RADIL: variants seen among roughly 807,000 people sequenced by gnomAD.
RADIL encodes ras-associating and dilute domain-containing protein.
A neutral mutation model predicts 97.6 loss-of-function variants in RADIL; 99 were observed. The ratio of observed to expected loss-of-function variants is 1.01; its 90% CI spans 0.86 to 1.20. The LOEUF (loss-of-function observed/expected upper bound fraction) is 1.20, where lower values mean the gene tolerates loss of function less well. RADIL is among the 50% of genes most tolerant of loss of function. The probability of loss-of-function intolerance (pLI) is 0.00; values close to 1 mark genes in which losing one functional copy is unlikely to be tolerated. For synonymous variants in RADIL, 803 were observed against 691.8 expected, an observed-to-expected ratio of 1.16 and a Z score of -2.52; for missense variants, 1,765 against 1,498.9, an observed-to-expected ratio of 1.18 and a Z score of -2.93.
Position 4,799,085 on chromosome 7 carries a change from G to A in RADIL, c.*293C>T. 1 of 387,830 alleles carries A rather than the reference G, an allele frequency of 2.6e-6. No individual in the cohort carries two copies. Among genetic ancestry groups the A allele is most frequent in the Non-Finnish European group, 4.8e-6 (1 of 207,076 alleles). The allele number at this position is 387,830 out of a possible 1,614,324, so 24.0% of individuals were successfully genotyped here. On this transcript the variant is annotated 3_prime_UTR_variant, in exon 15 of 15. Coordinates refer to ENST00000399583, the MANE Select transcript of RADIL (RefSeq NM_018059.5). ...AGCCCACGCCTGCTGCCCGAGTTGA[G>A]ACCCCAGCAGGGCACCCTCTAAGAA...
At chr7:4,830,301 C>A (rs1783103793) in intron 5 of RADIL, among the ~76,000 whole-genome samples, 1 of 152,182 alleles carries the variant, frequency 6.6e-6, no homozygotes, top group African/African-American at 2.4e-5. Flanking sequence ...ACACTGCCTT[C>A]CACCAGCAGG....
chr7:4,806,467 A>G (rs1210341350), intron 9 of RADIL, among the ~76,000 whole-genome samples: 1 of 152,178 alleles, frequency 6.6e-6, no homozygotes, highest in African/African-American at 2.4e-5. Context: ...GATTGCAGGT[A>G]TGAGCCACTG....
At chr7:4,876,312 A>G (rs1784375250) in intron 2 of RADIL, among the ~76,000 whole-genome samples, 1 of 150,930 alleles carries the variant, frequency 6.6e-6, no homozygotes, top group South Asian at 2.1e-4. Flanking sequence ...TTATTTATTT[A>G]TATTTGAGAC....
Position 4,805,581 on chromosome 7 carries a change from C to T in RADIL, c.2275G>A (p.Glu759Lys), listed in dbSNP as rs780017630. ...CAGGGCTTACCTGACCTGAAGGCCT[C>T]GGGGCTGTCCTGGGCCCCTGGCTCC... ...TWEPGAQDSP[E>K]AFRSEDVLES... The change falls in exon 10 of 15, where the codon GAG (glutamate) becomes AAG (lysine). Residue 759 changes from glutamate to lysine, a missense_variant. Coordinates refer to ENST00000399583, the MANE Select transcript of RADIL (RefSeq NM_018059.5). The T allele has an allele frequency of 1.6e-5, 26 of 1,606,786 alleles. No individual in the cohort carries two copies. Among genetic ancestry groups the T allele is most frequent in the South Asian group, 1.5e-4 (14 of 90,772 alleles).
chr7:4,877,044 C>G (rs960676508), intron 2 of RADIL, among the ~76,000 whole-genome samples: 5 of 152,182 alleles, frequency 3.3e-5, no homozygotes, highest in Admixed American at 2.0e-4. Flanking sequence ...GAGAGCTGGA[C>G]AATAATCTGA....
chr7:4,873,908 A>C lies in RADIL; in HGVS notation c.535+3697T>G, dbSNP rs1451932412. ...GGCTGGCGCCCACGGCTGCTGGAGA[A>C]GCTGCTACAGTGAAAAACCCCTCGG... On this transcript the variant is annotated intron_variant, in intron 2 of 14. Transcript: ENST00000399583. The surrounding 1 kb of genome is among the most constrained non-coding windows in gnomAD (Gnocchi z 4.3). Among the ~76,000 whole-genome samples, 1 of 152,230 alleles carries C rather than the reference A, an allele frequency of 6.6e-6. No individual in the cohort carries two copies. The highest frequency in any genetic ancestry group is 6.5e-5 in the Admixed American group (1 of 15,284).
rs1489386405 is a variant in RADIL at position 4,815,999 on chromosome 7, G to C, written c.1966+229C>G. Among the ~76,000 whole-genome samples, 3 of 152,132 alleles carry C rather than the reference G, an allele frequency of 2.0e-5. No homozygotes were observed. Among genetic ancestry groups the C allele is most frequent in the Admixed American group, 2.0e-4 (3 of 15,282 alleles). ...GGAAGGGGTCCCATGCAGACCTCTCGGCCGTGGCTTCTCTGAAACCCCGAT... is the reference window on the plus strand; with the variant it reads ...GGAAGGGGTCCCATGCAGACCTCTCCGCCGTGGCTTCTCTGAAACCCCGAT... On this transcript the variant is annotated intron_variant, in intron 8 of 14. Coordinates refer to ENST00000399583, the MANE Select transcript of RADIL (RefSeq NM_018059.5). This position sits in a 1 kb window ranked among gnomAD's most constrained non-coding sequence, Gnocchi z 8.0.
chr7:4,863,969 C>G (rs955163858), intron 2 of RADIL, among the ~76,000 whole-genome samples: 8 of 152,158 alleles, frequency 5.3e-5, no homozygotes, highest in Non-Finnish European at 1.0e-4. Context: ...CTAGAGACTT[C>G]CTTTATTTTC....
At chr7:4,857,251 T>G (rs1783855290) in intron 2 of RADIL, among the ~76,000 whole-genome samples, 1 of 152,260 alleles carries the variant, frequency 6.6e-6, no homozygotes. Context: ...ATTTTTGCTC[T>G]GACACCTACT....
In RADIL at chr7:4,819,658, A is replaced by G. The variant is rs991558145; in HGVS notation, c.1616-2307T>C. ...CAGTGTTTGCGGAATGACAACAGCC[A>G]CGTGACCCACCCTCGGGACGCGACA... On this transcript the variant is annotated intron_variant, in intron 6 of 14. Transcript: ENST00000399583. The surrounding 1 kb of genome is among the most constrained non-coding windows in gnomAD (Gnocchi z 5.8). 3.9e-5 allele frequency among the ~76,000 whole-genome samples: 6 copies of G among 152,188 alleles called. No homozygotes were observed. Among genetic ancestry groups the G allele is most frequent in the African/African-American group, 1.4e-4 (6 of 41,450 alleles).
At chr7:4,801,009 T>TGC (rs1468217569) in intron 12 of RADIL, among the ~76,000 whole-genome samples, 2 of 152,204 alleles carry the variant, frequency 1.3e-5, no homozygotes, top group African/African-American at 4.8e-5. Flanking sequence ...CTAGGCCAGC[T>TGC]GCGCACACAC....
At chr7:4,865,116 ACT>A (rs1784100078) in intron 2 of RADIL, among the ~76,000 whole-genome samples, 1 of 152,140 alleles carries the variant, frequency 6.6e-6, no homozygotes, top group Non-Finnish European at 1.5e-5. Context: ...TGCCCCACCG[ACT>A]GCCCACTGCT....
chr7:4,797,984 AT>A lies in RADIL; in HGVS notation c.*1393del, dbSNP rs776627662. Reference sequence around the variant, plus strand: ...GCGAGACTCCGTCTCATAAAAAAAAATTAAATATTTATATTTTATATAATAA... The same window carrying A: ...GCGAGACTCCGTCTCATAAAAAAAAATAAATATTTATATTTTATATAATAA... On this transcript the variant is annotated 3_prime_UTR_variant, in exon 15 of 15. Coordinates refer to ENST00000399583, the MANE Select transcript of RADIL (RefSeq NM_018059.5). The A allele has an allele frequency of 1.3e-5, 2 of 149,884 alleles. No homozygotes were observed. The highest frequency in any genetic ancestry group is 3.0e-5 in the Non-Finnish European group (2 of 67,744). The allele number at this position is 149,884 out of a possible 1,614,324, so 9.3% of individuals were successfully genotyped here. A position where few individuals can be genotyped will look rare whatever the true frequency, so the allele number is the denominator to read the frequency against.
chr7:4,805,485 G>T, intron 10 of RADIL, 81 bp downstream of exon 10: 1 of 1,459,850 alleles, frequency 6.9e-7, no homozygotes. Context: ...CTTCAGTTGG[G>T]ATGAGAGCAT....
At chr7:4,803,775 C>A in intron 10 of RADIL, 21 bp from the exon 11 acceptor site, 1 of 1,538,820 alleles carries the variant, frequency 6.5e-7, no homozygotes. Flanking sequence ...GAGAGGATGC[C>A]CGTAATGGCC....
At chr7:4,825,137 G>C (rs893174780) in intron 5 of RADIL, among the ~76,000 whole-genome samples, 11 of 152,070 alleles carry the variant, frequency 7.2e-5, no homozygotes, top group Non-Finnish European at 1.6e-4. Flanking sequence ...GGCACTCGGG[G>C]GGGGACAGCA....
At position 4,816,524 on chromosome 7, in the gene RADIL, G is replaced by A. The variant is rs146544452; in HGVS notation, c.1729-59C>T. 74 of 1,435,160 alleles carry A rather than the reference G, an allele frequency of 5.2e-5. 1 individual carries two copies. The highest frequency in any genetic ancestry group is 2.1e-4 in the South Asian group (17 of 82,716). The allele number at this position is 1,435,160 out of a possible 1,614,324, so 88.9% of individuals were successfully genotyped here. A position where few individuals can be genotyped will look rare whatever the true frequency, so the allele number is the denominator to read the frequency against. Reference sequence around the variant, plus strand: ...TTTCCAGGAGCGCTGGCGGCCGAACGGGGGGCCTGACCCAGCGAGCTCCCC... The same window carrying A: ...TTTCCAGGAGCGCTGGCGGCCGAACAGGGGGCCTGACCCAGCGAGCTCCCC... On this transcript the variant is annotated intron_variant, in intron 7 of 14. Coordinates refer to ENST00000399583, the MANE Select transcript of RADIL (RefSeq NM_018059.5).
At chr7:4,862,459 G>A (rs1048146727) in intron 2 of RADIL, among the ~76,000 whole-genome samples, 3 of 152,228 alleles carry the variant, frequency 2.0e-5, no homozygotes, top group Non-Finnish European at 2.9e-5. Context: ...TTAAGGGCGC[G>A]ATACTGCTGT....
rs775424931 is a variant in RADIL at position 4,879,589 on chromosome 7, G to T, written c.-64-1386C>A. Among the ~76,000 whole-genome samples, 2 of 152,178 alleles carry T rather than the reference G, an allele frequency of 1.3e-5. No individual in the cohort carries two copies. Among genetic ancestry groups the T allele is most frequent in the Non-Finnish European group, 2.9e-5 (2 of 68,036 alleles). ...CGGGTCGCCTGCCACTGCGACCGGGGTCAGTACTAAACACCGCAGCAGCCA... is the reference window on the plus strand; with the variant it reads ...CGGGTCGCCTGCCACTGCGACCGGGTTCAGTACTAAACACCGCAGCAGCCA... On this transcript the variant is annotated intron_variant, in intron 1 of 14. Transcript: ENST00000399583. The surrounding 1 kb of genome is among the most constrained non-coding windows in gnomAD (Gnocchi z 4.1).
Sources: gnomAD v4.1 joint callset for allele counts (sites outside exome capture counted in the v4.1 genomes callset) on GRCh38, gnomAD v4.1.1 for gene constraint, Gnocchi (gnomAD v3.1) non-coding constraint, MANE v1.5 for transcripts, NCBI Gene and HGNC (gene_info 2026-07-23, HGNC 2026-07-21) for gene names.